CACNA2D3: variants seen among roughly 807,000 people sequenced by gnomAD.
The protein encoded by CACNA2D3 is calcium voltage-gated channel auxiliary subunit alpha2delta 3.
In CACNA2D3, 60 loss-of-function variants were observed where a neutral mutation model predicts 160.6. That is an observed-to-expected ratio of 0.37 (90% CI 0.30 to 0.46). The LOEUF is 0.46. Among genes scored for constraint, CACNA2D3 ranks in the 20% least tolerant of loss-of-function variants. CACNA2D3 has a pLI of 1.00. For missense variants in CACNA2D3, 1,205 were observed against 1,365.0 expected (o/e 0.88, Z 1.85); for synonymous variants, 558 against 492.9 (o/e 1.13, Z -1.75).
intron 17 of CACNA2D3, among the ~76,000 whole-genome samples, chr3:54,869,123 T>C (rs1435334509): frequency 2.0e-5 from 3 of 152,170 alleles, no homozygotes; most frequent in South Asian, 2.1e-4. Flanking sequence ...CGTGGACACT[T>C]TTTTTGAGGA....
intron 2 of CACNA2D3, among the ~76,000 whole-genome samples, chr3:54,149,156 G>C (rs1047594238): frequency 6.6e-6 from 1 of 151,818 alleles, no homozygotes; most frequent in Admixed American, 6.6e-5. Flanking sequence ...ACTTGTCCCT[G>C]ACATTTGTGG....
At chr3:55,051,855 G>A (rs982252337) in intron 35 of CACNA2D3, among the ~76,000 whole-genome samples, 1 of 152,202 alleles carries the variant, frequency 6.6e-6, no homozygotes, top group African/African-American at 2.4e-5. Flanking sequence ...TCGGGTGGGA[G>A]TGACCCGATT....
intron 31 of CACNA2D3, among the ~76,000 whole-genome samples, chr3:55,003,581 G>A (rs184711391): frequency 2.6e-5 from 4 of 152,252 alleles, no homozygotes; most frequent in East Asian, 1.9e-4. Context: ...GCCCGTCTTC[G>A]TAGGGGAGGG....
chr3:54,556,441 ACT>A (rs765980665), intron 5 of CACNA2D3, among the ~76,000 whole-genome samples: 73 of 152,086 alleles, frequency 4.8e-4, no homozygotes, highest in Non-Finnish European at 8.8e-4. Context: ...CATGGAACAC[ACT>A]CTCTTAGAAC....
chr3:54,898,110 CTTTT>C (rs1213971250), intron 26 of CACNA2D3, among the ~76,000 whole-genome samples: 31 of 151,782 alleles, frequency 2.0e-4, no homozygotes, highest in African/African-American at 7.3e-4. Context: ...TCCTTTCTTT[CTTTT>C]TTCTTTCTTT....
chr3:54,496,805 G>A (rs1213157855), intron 4 of CACNA2D3, among the ~76,000 whole-genome samples: 1 of 152,074 alleles, frequency 6.6e-6, no homozygotes, highest in Non-Finnish European at 1.5e-5. Flanking sequence ...AAATTCATAT[G>A]TGTATGATGT....
intron 2 of CACNA2D3, among the ~76,000 whole-genome samples, chr3:54,239,168 G>A (rs1422299045): frequency 6.6e-6 from 1 of 152,202 alleles, no homozygotes; most frequent in Admixed American, 6.5e-5. Flanking sequence ...CAGCTCTGGG[G>A]TAGGACTTGG....
At chr3:55,011,428 T>A (rs1346694116) in intron 34 of CACNA2D3, among the ~76,000 whole-genome samples, 1 of 152,224 alleles carries the variant, frequency 6.6e-6, no homozygotes, top group Non-Finnish European at 1.5e-5. Flanking sequence ...TATGATAGGA[T>A]GATCATCACC....
At chr3:54,462,530 T>C (rs1229518115) in intron 4 of CACNA2D3, among the ~76,000 whole-genome samples, 1 of 152,174 alleles carries the variant, frequency 6.6e-6, no homozygotes, top group East Asian at 1.9e-4. Flanking sequence ...CATTATGCAA[T>C]GGCCTTCTTT....
intron 13 of CACNA2D3, among the ~76,000 whole-genome samples, chr3:54,775,227 C>T (rs1264837167): frequency 6.6e-6 from 1 of 152,052 alleles, no homozygotes; most frequent in Non-Finnish European, 1.5e-5. Context: ...CGAGAAGTAC[C>T]AGAGTCCTGC....
chr3:54,566,896 G>A (rs1001420254), intron 6 of CACNA2D3, among the ~76,000 whole-genome samples: 3 of 152,188 alleles, frequency 2.0e-5, no homozygotes, highest in Non-Finnish European at 4.4e-5. Context: ...CATACATGCT[G>A]TTTGCTAGTA....
intron 25 of CACNA2D3, chr3:54,894,575 A>G (rs764705200): frequency 3.9e-6 from 2 of 513,036 alleles, no homozygotes; most frequent in South Asian, 2.9e-5. Flanking sequence ...TGCTGCATAG[A>G]CAGGGCACCT....
intron 2 of CACNA2D3, among the ~76,000 whole-genome samples, chr3:54,242,968 A>G (rs143900476): frequency 2.0e-4 from 30 of 152,366 alleles, no homozygotes; most frequent in African/African-American, 7.0e-4. Context: ...TATTTGTGAA[A>G]ATATGGAAAA....
chr3:54,625,999 A>T (rs1488208280), intron 9 of CACNA2D3, among the ~76,000 whole-genome samples: 1 of 151,834 alleles, frequency 6.6e-6, no homozygotes, highest in Non-Finnish European at 1.5e-5. Context: ...AAAGAAAGCC[A>T]CTCCTTAGCA....
At chr3:55,033,124 G>C (rs900415501) in intron 35 of CACNA2D3, among the ~76,000 whole-genome samples, 27 of 152,046 alleles carry the variant, frequency 1.8e-4, no homozygotes, top group African/African-American at 6.3e-4. Context: ...GAGAAGGGAG[G>C]GGGCTTGCCT....
intron 8 of CACNA2D3, among the ~76,000 whole-genome samples, chr3:54,580,678 G>C (rs1702660826): frequency 6.6e-6 from 1 of 152,214 alleles, no homozygotes; most frequent in South Asian, 2.1e-4. Flanking sequence ...CGAAGGACCA[G>C]GCATGGGCCC....
At chr3:54,599,179 A>G (rs988344863) in intron 9 of CACNA2D3, among the ~76,000 whole-genome samples, 1 of 152,050 alleles carries the variant, frequency 6.6e-6, no homozygotes, top group African/African-American at 2.4e-5. Context: ...CCATCCCCTT[A>G]AACTCGGGTT....
chr3:54,524,200 G>C (rs1204127900), intron 5 of CACNA2D3, among the ~76,000 whole-genome samples: 1 of 151,950 alleles, frequency 6.6e-6, no homozygotes, highest in Non-Finnish European at 1.5e-5. Context: ...TCTCTTGTGT[G>C]TTTGTTTTCA....
At chr3:54,778,946 G>A (rs942796785) in intron 13 of CACNA2D3, among the ~76,000 whole-genome samples, 5 of 152,116 alleles carry the variant, frequency 3.3e-5, no homozygotes, top group South Asian at 2.1e-4. Flanking sequence ...CAAAGATTTT[G>A]CCACATTCAT....
Sources: gnomAD v4.1 joint callset for allele counts (sites outside exome capture counted in the v4.1 genomes callset) on GRCh38, gnomAD v4.1.1 for gene constraint, MANE v1.5 for transcripts, NCBI Gene and HGNC (gene_info 2026-07-23, HGNC 2026-07-21) for gene names.